SPTBN1: variants seen among roughly 807,000 people sequenced by gnomAD.
SPTBN1 encodes spectrin beta chain, non-erythrocytic 1.
SPTBN1 carries 32 observed loss-of-function variants against 266.4 expected under a neutral mutation model. That is an observed-to-expected ratio of 0.12 (90% CI 0.09 to 0.16). The LOEUF (loss-of-function observed/expected upper bound fraction) is 0.16, where lower values mean the gene tolerates loss of function less well. Ranked by LOEUF, SPTBN1 falls within the 10% of genes least tolerant of loss-of-function variation. The pLI is 1.00. For synonymous variants in SPTBN1, 1,336 were observed against 1,162.2 expected, an observed-to-expected ratio of 1.15 and a Z score of -3.04; for missense variants, 2,296 against 3,067.1, an observed-to-expected ratio of 0.75 and a Z score of 5.94.
intron 1 of SPTBN1, among the ~76,000 whole-genome samples, chr2:54,472,808 T>G (rs149343152): frequency 1.3e-5 from 2 of 152,310 alleles, no homozygotes; most frequent in Non-Finnish European, 2.9e-5. Flanking sequence ...TGATTGGAAG[T>G]AAACTAAGAA....
intron 34 of SPTBN1, among the ~76,000 whole-genome samples, chr2:54,666,842 A>T (rs538351651): frequency 1.7e-4 from 26 of 152,174 alleles, no homozygotes; most frequent in Admixed American, 1.6e-3. Flanking sequence ...CAGAGGAGAG[A>T]GTGTCAGATG....
Position 54,665,854 on chromosome 2 carries a change from T to G in SPTBN1, c.6660-61T>G, listed in dbSNP as rs1681332621. The G allele has an allele frequency of 2.0e-6, 3 of 1,534,884 alleles. No homozygotes were observed. The East Asian group carries it at 6.8e-5, about 35-fold the overall frequency. ...TTTTCATGTTAATGAAATGTTTAGT[T>G]CTTTAAGGGGAATGTGGTAGAGCCT... On this transcript the variant is annotated intron_variant, in intron 33 of 35. Coordinates refer to ENST00000356805, the MANE Select transcript of SPTBN1 (RefSeq NM_003128.3).
At chr2:54,492,266 G>A (rs1159999576) in intron 1 of SPTBN1, among the ~76,000 whole-genome samples, 2 of 150,790 alleles carry the variant, frequency 1.3e-5, no homozygotes, top group Non-Finnish European at 2.9e-5. Context: ...CACTTTTTAT[G>A]GCTGTATAAA....
At chr2:54,603,733 TAGA>T (rs1676652786) in intron 3 of SPTBN1, among the ~76,000 whole-genome samples, 1 of 152,206 alleles carries the variant, frequency 6.6e-6, no homozygotes, top group Admixed American at 6.5e-5. Context: ...TGTAGCATAT[TAGA>T]AGAAATTTTG....
Position 54,616,311 on chromosome 2 carries a change from G to T in SPTBN1, c.566+13G>T, listed in dbSNP as rs763386825. On this transcript the variant is annotated intron_variant, in intron 5 of 35. Transcript: ENST00000356805. Reference sequence around the variant, plus strand: ...TGAAGACAGCTGGGTGAGTGTGAATGAAGAGGGTATTGGGGCTGCTTCTTC... The same window carrying T: ...TGAAGACAGCTGGGTGAGTGTGAATTAAGAGGGTATTGGGGCTGCTTCTTC... The T allele has an allele frequency of 5.1e-5, 83 of 1,612,206 alleles. No homozygotes were observed. Among genetic ancestry groups the T allele is most frequent in the Non-Finnish European group, 6.9e-5 (81 of 1,178,642 alleles).
chr2:54,549,205 C>G (rs541286875), intron 2 of SPTBN1, among the ~76,000 whole-genome samples: 2 of 149,008 alleles, frequency 1.3e-5, no homozygotes, highest in East Asian at 4.0e-4. Context: ...AAGAGAATCG[C>G]TTGAACCCTG....
At chr2:54,663,170 A>G (rs1681166473) in intron 32 of SPTBN1, 1 of 152,196 alleles carries the variant, frequency 6.6e-6, no homozygotes, top group African/African-American at 2.4e-5. Flanking sequence ...ACAGTTCCCA[A>G]GAGTTTACAG....
In SPTBN1 at chr2:54,653,507, C is replaced by T. The variant is rs538733485; in HGVS notation, c.5578-102C>T. On this transcript the variant is annotated intron_variant, in intron 26 of 35. Coordinates refer to ENST00000356805, the MANE Select transcript of SPTBN1 (RefSeq NM_003128.3). This position sits in a 1 kb window ranked among gnomAD's most constrained non-coding sequence, Gnocchi z 5.1. ...AAGGGGCATGGGCCATATTTTGACT[C>T]TGTGCTCCCTTTAGTGTATGAGCAG... The T allele has an allele frequency of 1.8e-5, 27 of 1,515,502 alleles. No individual in the cohort carries two copies. The East Asian group carries it at 5.7e-4, about 32-fold the overall frequency. 93.9% of individuals were successfully genotyped at this position (1,515,502 alleles called of 1,614,324 possible). A position where few individuals can be genotyped will look rare whatever the true frequency, so the allele number is the denominator to read the frequency against.
At chr2:54,605,416 T>C (rs1276830468) in intron 3 of SPTBN1, among the ~76,000 whole-genome samples, 1 of 152,194 alleles carries the variant, frequency 6.6e-6, no homozygotes, top group East Asian at 1.9e-4. Flanking sequence ...TGTGTCTTCA[T>C]GTATAAAATG....
In SPTBN1 at chr2:54,664,928, T is replaced by G; in HGVS notation, c.6659+237T>G. 2.0e-6 allele frequency: 1 copy of G among 506,860 alleles called. No homozygotes were observed. The highest frequency in any genetic ancestry group is 2.6e-5 in the South Asian group (1 of 38,196). 31.4% of individuals were successfully genotyped at this position (506,860 alleles called of 1,614,324 possible). On this transcript the variant is annotated intron_variant, in intron 33 of 35. Transcript: ENST00000356805. The surrounding 1 kb of genome is among the most constrained non-coding windows in gnomAD (Gnocchi z 5.6). ...GAGTAGCTAGAAGGGGCTTTAGTAG[T>G]TCATCTAGAGAAGGAATTTGCTAGA...
At chr2:54,515,858 A>G (rs1381562504) in intron 1 of SPTBN1, 1 of 152,076 alleles carries the variant, frequency 6.6e-6, no homozygotes, top group Non-Finnish European at 1.5e-5. Flanking sequence ...TTGCCCACCC[A>G]TGAAATTTTC....
At chr2:54,616,955 A>G (rs1677650090) in intron 5 of SPTBN1, among the ~76,000 whole-genome samples, 1 of 152,228 alleles carries the variant, frequency 6.6e-6, no homozygotes, top group Non-Finnish European at 1.5e-5. Flanking sequence ...AACTCCATCC[A>G]TTCTGAGAGC....
At chr2:54,472,847 A>G (rs946415580) in intron 1 of SPTBN1, among the ~76,000 whole-genome samples, 7 of 152,246 alleles carry the variant, frequency 4.6e-5, no homozygotes, top group Non-Finnish European at 1.0e-4. Flanking sequence ...TAAATAGCAG[A>G]TGAAAACAGT....
chr2:54,485,821 TG>T (rs1032082618), intron 1 of SPTBN1, among the ~76,000 whole-genome samples: 2 of 143,634 alleles, frequency 1.4e-5, no homozygotes, highest in African/African-American at 5.3e-5. Context: ...GTCTGAGATG[TG>T]GGGAGCGCCT....
Position 54,650,000 on chromosome 2 carries a change from C to G in SPTBN1, c.5577+11C>G. On this transcript the variant is annotated intron_variant, in intron 26 of 35. Coordinates refer to ENST00000356805, the MANE Select transcript of SPTBN1 (RefSeq NM_003128.3). This position sits in a 1 kb window ranked among gnomAD's most constrained non-coding sequence, Gnocchi z 6.7. ...GCTCTGGGCACACAGGTGGGTATGG[C>G]AGCCACCCAGGGGTGCTGGGGAGGC... The G allele has an allele frequency of 6.3e-7, 1 of 1,599,450 alleles. No homozygotes were observed. The highest frequency in any genetic ancestry group is 8.5e-7 in the Non-Finnish European group (1 of 1,172,110).
At chr2:54,509,561 C>T (rs529904752) in intron 1 of SPTBN1, among the ~76,000 whole-genome samples, 39 of 152,292 alleles carry the variant, frequency 2.6e-4, no homozygotes, top group Non-Finnish European at 5.0e-4. Context: ...TCTCATTTAT[C>T]CATTGTCCTT....
rs1338930395 is a variant in SPTBN1 at position 54,622,401 on chromosome 2, C to T, written c.978C>T (p.Asn326=). The change falls in exon 9 of 36, where the codon AAC becomes AAT. Residue 326 remains asparagine, a synonymous_variant. Coordinates refer to ENST00000356805, the MANE Select transcript of SPTBN1 (RefSeq NM_003128.3). ...EWIEQTIIIL[N]NRKFANSLVG... ...TTGAACAAACCATCATCATTCTGAA[C>T]AATCGCAAATTTGCCAATTCACTGG... 1 of 1,614,066 alleles carries T rather than the reference C, an allele frequency of 6.2e-7. No individual in the cohort carries two copies. The highest frequency in any genetic ancestry group is 1.3e-5 in the African/African-American group (1 of 74,904).
At chr2:54,604,521 C>G (rs570903173) in intron 3 of SPTBN1, among the ~76,000 whole-genome samples, 1 of 152,330 alleles carries the variant, frequency 6.6e-6, no homozygotes, top group Admixed American at 6.5e-5. Flanking sequence ...AGGGATCACC[C>G]AGCCCCCTCC....
At chr2:54,620,767 A>G (rs1034781451) in intron 7 of SPTBN1, among the ~76,000 whole-genome samples, 2 of 152,226 alleles carry the variant, frequency 1.3e-5, no homozygotes, top group Non-Finnish European at 2.9e-5. Flanking sequence ...ATTGATGGAA[A>G]AAAGGGAAGG....
Sources: gnomAD v4.1 joint callset for allele counts (sites outside exome capture counted in the v4.1 genomes callset) on GRCh38, gnomAD v4.1.1 for gene constraint, Gnocchi (gnomAD v3.1) non-coding constraint, MANE v1.5 for transcripts, NCBI Gene and HGNC (gene_info 2026-07-23, HGNC 2026-07-21) for gene names.